Variants in CACNB2 observed in about 807,000 individuals in gnomAD.
CACNB2 encodes calcium voltage-gated channel auxiliary subunit beta 2.
A neutral mutation model predicts 73.3 loss-of-function variants in CACNB2; 42 were observed. The ratio of observed to expected loss-of-function variants is 0.57; its 90% CI spans 0.45 to 0.74. The LOEUF (loss-of-function observed/expected upper bound fraction) is 0.74, where lower values mean the gene tolerates loss of function less well. Ranked by LOEUF, CACNB2 falls within the 30% of genes least tolerant of loss-of-function variation. CACNB2 has a pLI of 0.00. For synonymous variants in CACNB2, 348 were observed against 310.3 expected (o/e 1.12, Z -1.28); for missense variants, 940 against 853.0 (o/e 1.10, Z -1.27).
At chr10:18,237,581 T>C (rs1351012703) in intron 2 of CACNB2, among the ~76,000 whole-genome samples, 1 of 152,232 alleles carries the variant, frequency 6.6e-6, no homozygotes, top group African/African-American at 2.4e-5. Flanking sequence ...GGAGAGAGTG[T>C]ATTTCCATTG....
intron 2 of CACNB2, among the ~76,000 whole-genome samples, chr10:18,259,385 G>T (rs563033047): frequency 6.6e-6 from 1 of 151,794 alleles, no homozygotes; most frequent in East Asian, 1.9e-4. Context: ...GGGCAACAAA[G>T]TGAGACCCCT....
chr10:18,235,864 T>C (rs1392687511), intron 2 of CACNB2, among the ~76,000 whole-genome samples: 1 of 152,014 alleles, frequency 6.6e-6, no homozygotes, highest in Admixed American at 6.6e-5. Context: ...AGGGGGCTGG[T>C]GGGATGGGAT....
At chr10:18,498,059 A>T (rs1452196021) in intron 3 of CACNB2, among the ~76,000 whole-genome samples, 1 of 151,848 alleles carries the variant, frequency 6.6e-6, no homozygotes, top group Non-Finnish European at 1.5e-5. Context: ...AGTTGCTACA[A>T]GCGCCAATGT....
chr10:18,437,385 C>T (rs1201813261), intron 3 of CACNB2, among the ~76,000 whole-genome samples: 2 of 152,168 alleles, frequency 1.3e-5, no homozygotes, highest in Non-Finnish European at 2.9e-5. Context: ...CCATGTGTAA[C>T]TTTTGACTCC....
At chr10:18,340,752 C>T in intron 2 of CACNB2, 1 of 1,514,920 alleles carries the variant, frequency 6.6e-7, no homozygotes, top group Non-Finnish European at 8.8e-7. Context: ...ATCCGACGAA[C>T]TTTAGAAAGT....
rs114257446 is a variant in CACNB2, at chr10:18,208,651, A to G, written c.213+57676A>G. ...AAATAAAAAGATTGTTTTAAAATGA[A>G]TCTGACGTTATTCCTCATTCCTTAT... On this transcript the variant is annotated intron_variant, in intron 2 of 13. Transcript: ENST00000324631. Among the ~76,000 whole-genome samples the G allele has an allele frequency of 3.4e-3, 521 of 152,002 alleles. 2 individuals are homozygous for G. Among genetic ancestry groups the G allele is most frequent in the African/African-American group, 0.01 (417 of 41,450 alleles).
At chr10:18,189,484 G>T (rs1345167178) in intron 2 of CACNB2, among the ~76,000 whole-genome samples, 1 of 152,080 alleles carries the variant, frequency 6.6e-6, no homozygotes, top group Admixed American at 6.5e-5. Context: ...GCATTGTTCA[G>T]TAGCTTATTT....
At chr10:18,269,814 T>C (rs191262883) in intron 2 of CACNB2, among the ~76,000 whole-genome samples, 1 of 152,342 alleles carries the variant, frequency 6.6e-6, no homozygotes, top group Admixed American at 6.5e-5. Flanking sequence ...ATTTACTGGT[T>C]AGATTAAATG....
chr10:18,367,072 A>C (rs1455827650), intron 2 of CACNB2, among the ~76,000 whole-genome samples: 1 of 152,242 alleles, frequency 6.6e-6, no homozygotes, highest in Non-Finnish European at 1.5e-5. Context: ...GATGACGATG[A>C]GCCTTCTGAA....
intron 2 of CACNB2, among the ~76,000 whole-genome samples, chr10:18,204,218 T>G (rs1244952277): frequency 6.6e-6 from 1 of 152,226 alleles, no homozygotes; most frequent in Non-Finnish European, 1.5e-5. Flanking sequence ...AATCTCTCCC[T>G]GTTGCTATGG....
At chr10:18,301,755 T>C (rs1434271995) in intron 2 of CACNB2, among the ~76,000 whole-genome samples, 1 of 151,676 alleles carries the variant, frequency 6.6e-6, no homozygotes, top group East Asian at 2.0e-4. Flanking sequence ...TTCCAATGAT[T>C]CTCCTGCCTC....
chr10:18,319,221 G>A (rs1368715269), intron 2 of CACNB2, among the ~76,000 whole-genome samples: 2 of 152,130 alleles, frequency 1.3e-5, no homozygotes, highest in Non-Finnish European at 2.9e-5. Context: ...TGACAGACTG[G>A]ATAAAGAAAA....
chr10:18,505,563 A>G (rs2050442283), intron 5 of CACNB2, among the ~76,000 whole-genome samples: 1 of 152,170 alleles, frequency 6.6e-6, no homozygotes, highest in African/African-American at 2.4e-5. Flanking sequence ...TTGCCCTTTG[A>G]TGCATAAACA....
chr10:18,383,487 T>C (rs2132388141), intron 2 of CACNB2, among the ~76,000 whole-genome samples: 1 of 152,264 alleles, frequency 6.6e-6, no homozygotes, highest in South Asian at 2.1e-4. Context: ...GTTATGTTCA[T>C]AGAGGTGTAT....
intron 2 of CACNB2, among the ~76,000 whole-genome samples, chr10:18,381,091 A>G (rs936404795): frequency 6.6e-5 from 10 of 151,672 alleles, no homozygotes; most frequent in Admixed American, 6.6e-4. Context: ...AGCTGTGGAT[A>G]CTAACTGCAG....
rs76017868 is a variant in CACNB2, at chr10:18,499,593, G to A, written c.456+1116G>A. On this transcript the variant is annotated intron_variant, in intron 4 of 13. Coordinates refer to ENST00000324631, the MANE Select transcript of CACNB2 (RefSeq NM_201596.3). ...TTGCGCCACTGCACCCGAGCCTGGC[G>A]ACAGAGTGAGATTCTGTCTCAAAGA... 8.3e-3 allele frequency among the ~76,000 whole-genome samples: 807 copies of A among 97,720 alleles called. 8 individuals are homozygous for A. Among genetic ancestry groups the A allele is most frequent in the African/African-American group, 0.027 (739 of 27,094 alleles). The allele number at this position is 97,720 out of a possible 152,430, so 64.1% of individuals were successfully genotyped here.
chr10:18,335,327 C>T (rs942526046), intron 2 of CACNB2, among the ~76,000 whole-genome samples: 3 of 152,142 alleles, frequency 2.0e-5, no homozygotes, highest in Admixed American at 6.5e-5. Context: ...GTAATCCCAG[C>T]GCTTTGGGAC....
chr10:18,491,495 G>A (rs1012675803), intron 3 of CACNB2, among the ~76,000 whole-genome samples: 1 of 152,180 alleles, frequency 6.6e-6, no homozygotes. Context: ...GGCTGAGACT[G>A]GAGGATTATT....
intron 2 of CACNB2, among the ~76,000 whole-genome samples, chr10:18,346,156 T>G (rs574962199): frequency 6.6e-6 from 1 of 152,296 alleles, no homozygotes; most frequent in South Asian, 2.1e-4. Flanking sequence ...TTTTATTTGT[T>G]TGAGGTGGAG....
Sources: allele counts gnomAD v4.1 joint callset (sites outside exome capture counted in the v4.1 genomes callset), GRCh38; gene constraint gnomAD v4.1.1; transcripts MANE v1.5; gene names NCBI Gene and HGNC (gene_info 2026-07-23, HGNC 2026-07-21).